Variants in SKAP1 observed in about 807,000 individuals in gnomAD.
SKAP1 encodes src kinase-associated phosphoprotein 1.
Under a neutral mutation model 58.5 loss-of-function variants are expected in SKAP1, and 44 were observed. The observed-to-expected ratio is 0.75, with a 90% confidence interval of 0.59 to 0.97. The LOEUF is 0.97. Among genes scored for constraint, SKAP1 ranks in the 50% least tolerant of loss-of-function variants. The pLI is 0.00. For synonymous variants in SKAP1, 127 were observed against 149.7 expected, an observed-to-expected ratio of 0.85 and a Z score of 1.11; for missense variants, 390 against 435.2, an observed-to-expected ratio of 0.90 and a Z score of 0.92.
intron 4 of SKAP1, among the ~76,000 whole-genome samples, chr17:48,326,904 T>C (rs1159033889): frequency 6.7e-6 from 1 of 150,168 alleles, no homozygotes; most frequent in African/African-American, 2.4e-5. Context: ...TTTTTTTTTT[T>C]TTTTTGAGAT....
At chr17:48,402,874 A>G (rs1475793708) in intron 1 of SKAP1, among the ~76,000 whole-genome samples, 2 of 152,216 alleles carry the variant, frequency 1.3e-5, no homozygotes, top group Non-Finnish European at 2.9e-5. Flanking sequence ...AGGCAGATCT[A>G]AAGAGACAGA....
intron 3 of SKAP1, among the ~76,000 whole-genome samples, chr17:48,351,249 C>A (rs1300571668): frequency 5.9e-5 from 9 of 152,312 alleles, no homozygotes; most frequent in Non-Finnish European, 1.5e-5. Flanking sequence ...AAATTACATA[C>A]CATTTTGCAC....
chr17:48,331,489 C>T (rs1441296391), intron 4 of SKAP1, among the ~76,000 whole-genome samples: 1 of 152,000 alleles, frequency 6.6e-6, no homozygotes, highest in African/African-American at 2.4e-5. Flanking sequence ...CACCTGAGGT[C>T]GGGAGTTGGA....
intron 11 of SKAP1, among the ~76,000 whole-genome samples, chr17:48,138,370 A>ATTT (rs34767643): frequency 7.7e-6 from 1 of 130,228 alleles, no homozygotes; most frequent in African/African-American, 2.8e-5. Context: ...ACACCCGGCT[A>ATTT]TTTTTTTTTT....
intron 4 of SKAP1, among the ~76,000 whole-genome samples, chr17:48,321,775 C>A (rs1426407879): frequency 6.6e-6 from 1 of 152,184 alleles, no homozygotes; most frequent in African/African-American, 2.4e-5. Context: ...CTCACCAACA[C>A]CATGGCAAGC....
intron 4 of SKAP1, among the ~76,000 whole-genome samples, chr17:48,306,129 A>C (rs530385640): frequency 7.6e-4 from 115 of 152,206 alleles, no homozygotes; most frequent in Non-Finnish European, 1.4e-3. Context: ...AATGTGTTAA[A>C]AATTTTTGTT....
At chr17:48,154,622 C>A (rs1354368134) in intron 11 of SKAP1, among the ~76,000 whole-genome samples, 1 of 152,170 alleles carries the variant, frequency 6.6e-6, no homozygotes, top group Admixed American at 6.5e-5. Flanking sequence ...TGGAAGATCT[C>A]ACCCAGTGGC....
rs151016962 is a variant in SKAP1, at chr17:48,266,297, G to C, written c.281-76797C>G. 6.6e-5 allele frequency among the ~76,000 whole-genome samples: 10 copies of C among 152,254 alleles called. No homozygotes were observed. The East Asian group carries it at 1.9e-3, about 29-fold the overall frequency. Reference sequence around the variant, plus strand: ...TGCATATTTCTAGTTCAAAGGTAGAGAGCATTTGTGTCAGAAAGGAGCTCC... The same window carrying C: ...TGCATATTTCTAGTTCAAAGGTAGACAGCATTTGTGTCAGAAAGGAGCTCC... On this transcript the variant is annotated intron_variant, in intron 4 of 12. Transcript: ENST00000336915.
chr17:48,360,728 C>T (rs2066925193), intron 3 of SKAP1, among the ~76,000 whole-genome samples: 1 of 151,890 alleles, frequency 6.6e-6, no homozygotes, highest in African/African-American at 2.4e-5. Flanking sequence ...TTTTATTTTC[C>T]CTGTTTCCTT....
At chr17:48,339,909 G>A (rs186410095) in intron 4 of SKAP1, among the ~76,000 whole-genome samples, 279 of 152,206 alleles carry the variant, frequency 1.8e-3, no homozygotes, top group African/African-American at 6.3e-3. Context: ...GTGGCCGGGC[G>A]CGGTGGCTCA....
intron 9 of SKAP1, among the ~76,000 whole-genome samples, chr17:48,179,594 G>T (rs2064339973): frequency 6.6e-6 from 1 of 152,140 alleles, no homozygotes; most frequent in Non-Finnish European, 1.5e-5. Context: ...TTACTATCAA[G>T]GTTTGGTCTA....
At chr17:48,377,635 A>G (rs969801743) in intron 2 of SKAP1, among the ~76,000 whole-genome samples, 3 of 152,052 alleles carry the variant, frequency 2.0e-5, no homozygotes, top group Non-Finnish European at 2.9e-5. Context: ...CAATTGTGCA[A>G]TTTTTCTCCA....
intron 4 of SKAP1, among the ~76,000 whole-genome samples, chr17:48,200,284 G>T (rs2064710570): frequency 6.6e-6 from 1 of 151,932 alleles, no homozygotes; most frequent in Admixed American, 6.6e-5. Context: ...GTGACAGAAG[G>T]AGACTCTGTT....
At chr17:48,210,240 G>A (rs1334903313) in intron 4 of SKAP1, among the ~76,000 whole-genome samples, 1 of 152,132 alleles carries the variant, frequency 6.6e-6, no homozygotes, top group African/African-American at 2.4e-5. Context: ...TCGACACCTT[G>A]GAGCCGTGGT....
At chr17:48,310,588 A>T (rs556571899) in intron 4 of SKAP1, among the ~76,000 whole-genome samples, 8 of 152,366 alleles carry the variant, frequency 5.3e-5, no homozygotes, top group African/African-American at 1.9e-4. Flanking sequence ...CAGTTAATCG[A>T]CATCTAAAAT....
At chr17:48,387,475 T>A (rs969768506) in intron 2 of SKAP1, among the ~76,000 whole-genome samples, 3 of 152,214 alleles carry the variant, frequency 2.0e-5, no homozygotes, top group African/African-American at 7.2e-5. Context: ...CTCTTAGAAC[T>A]AAGATACCTT....
At chr17:48,189,092 G>A (rs890775607) in intron 5 of SKAP1, among the ~76,000 whole-genome samples, 11 of 152,152 alleles carry the variant, frequency 7.2e-5, no homozygotes, top group Non-Finnish European at 2.9e-5. Flanking sequence ...TACACAGTGG[G>A]AGCACACTGA....
intron 4 of SKAP1, among the ~76,000 whole-genome samples, chr17:48,204,997 C>T (rs1185455383): frequency 2.2e-5 from 1 of 44,718 alleles, no homozygotes; most frequent in Admixed American, 2.8e-4. Flanking sequence ...TTCTTTCTTT[C>T]TTTCTTTCTT....
chr17:48,405,150 A>G (rs1456163560), intron 1 of SKAP1, among the ~76,000 whole-genome samples: 1 of 152,174 alleles, frequency 6.6e-6, no homozygotes, highest in Non-Finnish European at 1.5e-5. Context: ...AAAAATAAAT[A>G]ATGGTTTGGA....
Sources: allele counts gnomAD v4.1 joint callset (sites outside exome capture counted in the v4.1 genomes callset), GRCh38; gene constraint gnomAD v4.1.1; transcripts MANE v1.5; gene names NCBI Gene and HGNC (gene_info 2026-07-23, HGNC 2026-07-21).